Variants in IL19 observed in about 807,000 individuals in gnomAD.
IL19 encodes the protein interleukin-19.
In IL19, 15 loss-of-function variants were observed where a neutral mutation model predicts 19.5. That is an observed-to-expected ratio of 0.77 (90% CI 0.52 to 1.19). The LOEUF (loss-of-function observed/expected upper bound fraction) is 1.19. IL19 is among the 50% of genes most tolerant of loss of function. The pLI, the probability that IL19 is intolerant of heterozygous loss-of-function variation, is 0.00. For missense variants in IL19, 199 were observed against 213.1 expected, an observed-to-expected ratio of 0.93 and a Z score of 0.41; for synonymous variants, 78 against 78.3, an observed-to-expected ratio of 1.00 and a Z score of 0.02.
At chr1:206,802,180 G>A (rs1675729379) in intron 2 of IL19, among the ~76,000 whole-genome samples, 1 of 152,006 alleles carries the variant, frequency 6.6e-6, no homozygotes, top group South Asian at 2.1e-4. Context: ...CAGGAAGGAA[G>A]GTCACACAGC....
chr1:206,774,819 G>A (rs1221069602), intron 1 of IL19, among the ~76,000 whole-genome samples: 1 of 152,152 alleles, frequency 6.6e-6, no homozygotes, highest in Non-Finnish European at 1.5e-5. Flanking sequence ...AGCCTGGAGG[G>A]TGCGAGGCTA....
chr1:206,772,036 G>A (rs2222202), intron 1 of IL19, among the ~76,000 whole-genome samples: 58,363 of 152,132 alleles, frequency 0.38, 12,268 homozygotes, highest in Non-Finnish European at 0.48. Context: ...CAGCACGAGA[G>A]AGAACGCATT....
At chr1:206,833,547 C>T (rs1676681436) in intron 2 of IL19, among the ~76,000 whole-genome samples, 1 of 152,230 alleles carries the variant, frequency 6.6e-6, no homozygotes, top group Admixed American at 6.5e-5. Flanking sequence ...TGGGAAGAAA[C>T]TGTTTATACC....
intron 3 of IL19, 34 bp downstream of exon 3, chr1:206,836,840 G>A (rs368391483): frequency 7.1e-5 from 115 of 1,610,612 alleles, no homozygotes; most frequent in Middle Eastern, 1.6e-4. Context: ...TGTGGATGAC[G>A]GAGTATCCCT....
chr1:206,818,239 A>G (rs72756975), intron 2 of IL19, among the ~76,000 whole-genome samples: 17,358 of 152,256 alleles, frequency 0.11, 1,357 homozygotes, highest in East Asian at 0.4. Flanking sequence ...GTGCAAACAG[A>G]ATCTTTACCA....
intron 2 of IL19, among the ~76,000 whole-genome samples, chr1:206,816,390 A>G (rs930970222): frequency 1.3e-5 from 2 of 152,216 alleles, no homozygotes; most frequent in African/African-American, 4.8e-5. Context: ...CTGGGAGTGA[A>G]GAAACGGAAG....
intron 2 of IL19, among the ~76,000 whole-genome samples, chr1:206,811,097 C>A (rs1264425175): frequency 1.3e-5 from 2 of 152,006 alleles, no homozygotes; most frequent in Non-Finnish European, 2.9e-5. Flanking sequence ...TATAGAAATG[C>A]AAAATAGACT....
chr1:206,827,074 G>T (rs1205943465), intron 2 of IL19, among the ~76,000 whole-genome samples: 1 of 152,196 alleles, frequency 6.6e-6, no homozygotes, highest in African/African-American at 2.4e-5. Context: ...TAACAGGTTT[G>T]TATGGAGTGT....
intron 1 of IL19, among the ~76,000 whole-genome samples, chr1:206,793,339 G>A (rs1675448120): frequency 6.6e-6 from 1 of 152,194 alleles, no homozygotes; most frequent in African/African-American, 2.4e-5. Context: ...CGTGAGCTGG[G>A]CCCCAGGAGG....
chr1:206,818,160 A>C (rs1022339540), intron 2 of IL19, among the ~76,000 whole-genome samples: 1 of 152,248 alleles, frequency 6.6e-6, no homozygotes, highest in Non-Finnish European at 1.5e-5. Context: ...AACACTGTCA[A>C]CCAAGTTGGC....
intron 2 of IL19, among the ~76,000 whole-genome samples, chr1:206,815,017 G>C (rs746333798): frequency 6.6e-6 from 1 of 152,302 alleles, no homozygotes; most frequent in Non-Finnish European, 1.5e-5. Flanking sequence ...AGTACAGATA[G>C]GTCATTTCTG....
At chr1:206,838,485 A>G (rs1316178555) in intron 4 of IL19, among the ~76,000 whole-genome samples, 1 of 152,246 alleles carries the variant, frequency 6.6e-6, no homozygotes, top group Non-Finnish European at 1.5e-5. Flanking sequence ...ATAATATTCT[A>G]GCCAACTGTA....
intron 2 of IL19, among the ~76,000 whole-genome samples, chr1:206,806,075 A>G (rs1030846083): frequency 5.3e-5 from 8 of 152,182 alleles, no homozygotes; most frequent in Non-Finnish European, 1.2e-4. Flanking sequence ...TAATACATGT[A>G]CCATTAACCT....
At chr1:206,772,559 A>T (rs1416954507) in intron 1 of IL19, 13 of 887,746 alleles carry the variant, frequency 1.5e-5, no homozygotes, top group Non-Finnish European at 2.3e-5. Flanking sequence ...ATTCATTAAA[A>T]AGCCACAATC....
At chr1:206,808,786 A>G (rs1675924598) in intron 2 of IL19, among the ~76,000 whole-genome samples, 2 of 152,130 alleles carry the variant, frequency 1.3e-5, no homozygotes, top group African/African-American at 4.8e-5. Flanking sequence ...TCCTAAGAAA[A>G]GGCTCCCAGC....
At chr1:206,771,208 C>G (rs886869543) in intron 1 of IL19, 130 bp downstream of exon 1, 3 of 1,156,056 alleles carry the variant, frequency 2.6e-6, no homozygotes, top group Non-Finnish European at 3.9e-6. Flanking sequence ...TGTAAACCCT[C>G]TGGCTGCTGG....
chr1:206,822,998 C>T (rs777447026), intron 2 of IL19, among the ~76,000 whole-genome samples: 2 of 150,918 alleles, frequency 1.3e-5, no homozygotes, highest in African/African-American at 4.9e-5. Context: ...GGTGTGATCT[C>T]GGCTCACTGC....
At chr1:206,833,383 C>G (rs74148868) in intron 2 of IL19, among the ~76,000 whole-genome samples, 1 of 152,242 alleles carries the variant, frequency 6.6e-6, no homozygotes, top group African/African-American at 2.4e-5. Flanking sequence ...TTATCTTTCT[C>G]TCTCCTGATT....
chr1:206,777,037 C>T (rs1238546733), intron 1 of IL19, among the ~76,000 whole-genome samples: 1 of 151,756 alleles, frequency 6.6e-6, no homozygotes, highest in Non-Finnish European at 1.5e-5. Context: ...TGAGACCACC[C>T]TGGCTAACAC....
Sources: allele counts gnomAD v4.1 joint callset (sites outside exome capture counted in the v4.1 genomes callset), GRCh38; gene constraint gnomAD v4.1.1; transcripts MANE v1.5; gene names NCBI Gene and HGNC (gene_info 2026-07-23, HGNC 2026-07-21).